The following ANKFY1 variants were observed in gnomAD, a reference collection of about 807,000 sequenced individuals.
The protein encoded by ANKFY1 is ankyrin repeat and FYVE domain containing 1.
ANKFY1 carries 47 observed loss-of-function variants against 128.3 expected under a neutral mutation model. That is an observed-to-expected ratio of 0.37 (90% CI 0.29 to 0.47). ANKFY1 has a LOEUF of 0.47. Ranked by LOEUF, ANKFY1 falls within the 20% of genes least tolerant of loss-of-function variation. The pLI is 1.00. For synonymous variants in ANKFY1, 553 were observed against 601.6 expected, an observed-to-expected ratio of 0.92 and a Z score of 1.18; for missense variants, 1,222 against 1,510.6, an observed-to-expected ratio of 0.81 and a Z score of 3.17.
At position 4,184,863 on chromosome 17, in the gene ANKFY1, C is replaced by A. The variant is rs376997211; in HGVS notation, c.1654G>T (p.Ala552Ser). ...GACACCACATCCGGATGGTTATAGG[C>A]GATCGCCATGTGCAGTGGCGTCTGC... The part of the protein sequence containing the change: ...HLQTPLHMAI[A>S]YNHPDVVSVI... The change falls in exon 12 of 25, where the codon GCC becomes TCC. Residue 552 changes from alanine (A) to serine (S), a missense_variant. Physicochemically the swap from Ala to Ser is moderately conservative, Grantham distance 99 (BLOSUM62 1). Transcript: ENST00000341657. 4 of 1,613,896 alleles carry A rather than the reference C, an allele frequency of 2.5e-6. No individual in the cohort carries two copies. Among genetic ancestry groups the A allele is most frequent in the Admixed American group, 1.7e-5 (1 of 60,022 alleles).
chr17:4,256,443 T>C (rs879814273), intron 1 of ANKFY1, among the ~76,000 whole-genome samples: 1 of 151,850 alleles, frequency 6.6e-6, no homozygotes, highest in Non-Finnish European at 1.5e-5. Context: ...AAGAAAAAAC[T>C]CCCAGGTTAA....
chr17:4,215,176 C>T lies in ANKFY1; in HGVS notation c.458+1807G>A, dbSNP rs181417241. Among the ~76,000 whole-genome samples the T allele has an allele frequency of 1.7e-3, 263 of 151,628 alleles. 4 individuals carry two copies. Among genetic ancestry groups the T allele is most frequent in the African/African-American group, 6.1e-3 (251 of 41,348 alleles). ...TGGTGGCAGTCGTCTGTAATCCCAG[C>T]TACTCAGGAGGCTGAGGCAGGAGAA... On this transcript the variant is annotated intron_variant, in intron 4 of 24. Transcript: ENST00000341657.
chr17:4,242,189 T>G, intron 2 of ANKFY1, 67 bp downstream of exon 2: 319 of 1,369,132 alleles, frequency 2.3e-4, no homozygotes, highest in Middle Eastern at 5.5e-4. Context: ...AGAAAGTGAA[T>G]GAGAAAAGCT....
chr17:4,241,031 G>A lies in ANKFY1; in HGVS notation c.203+1225C>T, dbSNP rs767069862. Among the ~76,000 whole-genome samples the A allele has an allele frequency of 4.1e-4, 62 of 152,214 alleles. 1 individual carries two copies. Among genetic ancestry groups the A allele is most frequent in the Middle Eastern group, 6.8e-3 (2 of 294 alleles). On this transcript the variant is annotated intron_variant, in intron 2 of 24. Transcript: ENST00000341657. ...TAACAAAAGCTAACATCCTGTTGCC[G>A]CTATAACCAGTGAAAACAATTTAAG...
chr17:4,169,242 A>G lies in ANKFY1; in HGVS notation c.3333T>C (p.Tyr1111=), dbSNP rs745717783. 7 of 1,552,682 alleles carry G rather than the reference A, an allele frequency of 4.5e-6. No individual in the cohort carries two copies. Among genetic ancestry groups the G allele is most frequent in the African/African-American group, 2.7e-5 (2 of 73,136 alleles). The change falls in exon 24 of 25, where the codon TAT becomes TAC. Residue 1111 remains tyrosine (Y), a synonymous_variant. Coordinates refer to ENST00000341657, the MANE Select transcript of ANKFY1 (RefSeq NM_001330063.2). This position sits in a 1 kb window ranked among gnomAD's most constrained non-coding sequence, Gnocchi z 5.0. ...TGACTCCGAACCTGGCAGTGCACTCATAGCAGTAGGAGCCGTCACACCACG... is the reference window on the plus strand; with the variant it reads ...TGACTCCGAACCTGGCAGTGCACTCGTAGCAGTAGGAGCCGTCACACCACG... ...EPPWCDGSYC[Y]ECTARFGVTT...
intron 8 of ANKFY1, among the ~76,000 whole-genome samples, chr17:4,197,111 G>A (rs755569840): frequency 2.6e-5 from 4 of 152,072 alleles, no homozygotes; most frequent in Admixed American, 1.3e-4. Flanking sequence ...AGAGTGAGAT[G>A]CTGACACAAT....
intron 2 of ANKFY1, among the ~76,000 whole-genome samples, chr17:4,238,705 C>A (rs774720805): frequency 8.6e-5 from 13 of 151,794 alleles, no homozygotes; most frequent in Non-Finnish European, 1.3e-4. Context: ...AACTCCTGAT[C>A]CGCCCAACTC....
intron 10 of ANKFY1, chr17:4,194,334 C>A (rs1423985902): frequency 6.6e-6 from 1 of 151,072 alleles, no homozygotes; most frequent in Admixed American, 6.6e-5. Context: ...GTCTCAAACT[C>A]CTGACCTCAG....
At chr17:4,263,195 G>C (rs1044167791) in intron 1 of ANKFY1, among the ~76,000 whole-genome samples, 1 of 152,198 alleles carries the variant, frequency 6.6e-6, no homozygotes, top group African/African-American at 2.4e-5. Flanking sequence ...CATTAAGACA[G>C]GCAGACTCTG....
chr17:4,214,523 C>CTT (rs61260385), intron 4 of ANKFY1, among the ~76,000 whole-genome samples: 32 of 136,152 alleles, frequency 2.4e-4, no homozygotes, highest in African/African-American at 2.7e-4. Flanking sequence ...ATAAACCTAA[C>CTT]TTTTTTTTTT....
At position 4,199,495 on chromosome 17, in the gene ANKFY1, A is replaced by G. The variant is rs1446807472; in HGVS notation, c.899-1918T>C. ...GCATAAGCCACTGTGTCTGGCCAAA[A>G]TTCATTAATTTTAATAGTTTCATTT... On this transcript the variant is annotated intron_variant, in intron 7 of 24. Coordinates refer to ENST00000341657, the MANE Select transcript of ANKFY1 (RefSeq NM_001330063.2). Among the ~76,000 whole-genome samples the G allele has an allele frequency of 3.9e-5, 6 of 152,186 alleles. 1 individual carries two copies. Among genetic ancestry groups the G allele is most frequent in the Admixed American group, 3.3e-4 (5 of 15,272 alleles).
At chr17:4,217,182 G>A (rs1173143732) in intron 3 of ANKFY1, 64 bp from the exon 4 acceptor site, 13 of 1,568,560 alleles carry the variant, frequency 8.3e-6, no homozygotes, top group African/African-American at 6.8e-5. Flanking sequence ...TTTCTCAAGG[G>A]ATCCCTAAAA....
chr17:4,244,234 A>C (rs891288664), intron 1 of ANKFY1, among the ~76,000 whole-genome samples: 2 of 152,206 alleles, frequency 1.3e-5, no homozygotes, highest in African/African-American at 4.8e-5. Flanking sequence ...CCCAGCCATA[A>C]GTCAAATAAC....
chr17:4,228,414 T>C (rs1003630877), intron 3 of ANKFY1, among the ~76,000 whole-genome samples: 1 of 137,814 alleles, frequency 7.3e-6, no homozygotes, highest in Non-Finnish European at 1.6e-5. Context: ...ATGTTTTTTG[T>C]TAGTTTTTTT....
At chr17:4,239,992 C>G (rs182956139) in intron 2 of ANKFY1, among the ~76,000 whole-genome samples, 66 of 151,942 alleles carry the variant, frequency 4.3e-4, no homozygotes, top group African/African-American at 1.4e-3. Flanking sequence ...CTGTCCTGGA[C>G]TATACGCAAC....
intron 11 of ANKFY1, among the ~76,000 whole-genome samples, chr17:4,185,779 G>C (rs185712499): frequency 1.4e-3 from 214 of 151,910 alleles, no homozygotes; most frequent in Non-Finnish European, 2.4e-3. Context: ...TGCTTATCAC[G>C]ACAGAACAAT....
chr17:4,194,172 G>T (rs913356175), intron 10 of ANKFY1, among the ~76,000 whole-genome samples: 1 of 137,938 alleles, frequency 7.2e-6, no homozygotes, highest in African/African-American at 2.7e-5. Flanking sequence ...GCGATGGCAC[G>T]ATCTTGGCTC....
Position 4,173,347 on chromosome 17 carries a change from C to T in ANKFY1, c.3014+7G>A, listed in dbSNP as rs371389648. 1.4e-5 allele frequency: 22 copies of T among 1,613,666 alleles called. No individual in the cohort carries two copies. The highest frequency in any genetic ancestry group is 4.5e-5 in the East Asian group (2 of 44,896). On this transcript the variant is annotated splice_region_variant and intron_variant, in intron 21 of 24. Coordinates refer to ENST00000341657, the MANE Select transcript of ANKFY1 (RefSeq NM_001330063.2). ...CCGCGGGGCCTACTCGGGCCCAACG[C>T]GCTCACCTGAGATTAAAGGCTTCGG...
At chr17:4,216,061 T>C (rs892184886) in intron 4 of ANKFY1, among the ~76,000 whole-genome samples, 9 of 152,242 alleles carry the variant, frequency 5.9e-5, no homozygotes, top group African/African-American at 2.2e-4. Context: ...GATATTAAAA[T>C]GCACTCAAAC....
Sources: gnomAD v4.1 joint callset for allele counts (sites outside exome capture counted in the v4.1 genomes callset) on GRCh38, gnomAD v4.1.1 for gene constraint, Gnocchi (gnomAD v3.1) non-coding constraint, MANE v1.5 for transcripts, NCBI Gene and HGNC (gene_info 2026-07-23, HGNC 2026-07-21) for gene names.